Variants in SLC25A48 observed in about 807,000 individuals in gnomAD.
SLC25A48 encodes the protein CTC-321K16.1.
A neutral mutation model predicts 32.2 loss-of-function variants in SLC25A48; 29 were observed. The ratio of observed to expected loss-of-function variants is 0.90; its 90% CI spans 0.67 to 1.23. The LOEUF (loss-of-function observed/expected upper bound fraction) is 1.23, where lower values mean the gene tolerates loss of function less well. SLC25A48 is among the 50% of genes most tolerant of loss of function. The pLI, the probability that SLC25A48 is intolerant of heterozygous loss-of-function variation, is 0.00. For missense variants in SLC25A48, 399 were observed against 422.7 expected, an observed-to-expected ratio of 0.94 and a Z score of 0.49; for synonymous variants, 164 against 172.3, an observed-to-expected ratio of 0.95 and a Z score of 0.38.
rs144887172 is a variant in SLC25A48, at chr5:135,670,874, G to T, written c.-521+35918G>T. Among the ~76,000 whole-genome samples the T allele has an allele frequency of 1.3e-3, 192 of 152,326 alleles. 1 individual carries two copies. Among genetic ancestry groups the T allele is most frequent in the African/African-American group, 4.5e-3 (187 of 41,562 alleles). Reference sequence around the variant, plus strand: ...GGACATTGTCTCATACTAATGAATAGATTAATAGCCTCCCTCCCCAGATGC... The same window carrying T: ...GGACATTGTCTCATACTAATGAATATATTAATAGCCTCCCTCCCCAGATGC... On this transcript the variant is annotated intron_variant, in intron 3 of 10. Coordinates refer to the SLC25A48 transcript ENST00000646290.
intron 3 of SLC25A48, among the ~76,000 whole-genome samples, chr5:135,657,440 G>C (rs1753280327): frequency 6.6e-6 from 1 of 152,192 alleles, no homozygotes; most frequent in Non-Finnish European, 1.5e-5. Flanking sequence ...TATGGCACAT[G>C]GCAGTCATAA....
intron 3 of SLC25A48, among the ~76,000 whole-genome samples, chr5:135,646,636 C>T (rs976462969): frequency 1.6e-4 from 19 of 120,932 alleles, no homozygotes; most frequent in East Asian, 1.2e-3. Flanking sequence ...TATATATATA[C>T]GCATTTATAA....
intron 3 of SLC25A48, among the ~76,000 whole-genome samples, chr5:135,695,304 T>G (rs937551452): frequency 3.3e-4 from 3 of 9,044 alleles, no homozygotes; most frequent in African/African-American, 6.9e-4. Context: ...TTCTTGTGCT[T>G]TTTATGTTTT....
intron 3 of SLC25A48, among the ~76,000 whole-genome samples, chr5:135,737,559 A>C (rs554252403): frequency 1.2e-4 from 19 of 152,178 alleles, no homozygotes; most frequent in Admixed American, 2.6e-4. Context: ...AAGATGAATG[A>C]TGGTTTAGAT....
At chr5:135,821,473 A>G (rs1043017767) in intron 4 of SLC25A48, among the ~76,000 whole-genome samples, 5 of 152,148 alleles carry the variant, frequency 3.3e-5, no homozygotes, top group Admixed American at 6.5e-5. Context: ...ACTTGGGGGA[A>G]CAGATCCTTG....
chr5:135,768,599 A>G (rs1756310983), intron 3 of SLC25A48, among the ~76,000 whole-genome samples: 1 of 151,590 alleles, frequency 6.6e-6, no homozygotes, highest in South Asian at 2.1e-4. Context: ...GGAGCGGATG[A>G]TGATACTCCC....
In SLC25A48 at chr5:135,803,930, C is replaced by T. The variant is rs530461741; in HGVS notation, c.-520-8593C>T. Reference sequence around the variant, plus strand: ...TGAATAACCTCACAGTGAGTGCACACGCTGTGTGTACACCCACTGTGTTCT... The same window carrying T: ...TGAATAACCTCACAGTGAGTGCACATGCTGTGTGTACACCCACTGTGTTCT... On this transcript the variant is annotated intron_variant, in intron 3 of 10. Coordinates refer to the SLC25A48 transcript ENST00000646290. Among the ~76,000 whole-genome samples the T allele has an allele frequency of 4.6e-5, 7 of 151,670 alleles. No individual in the cohort carries two copies. In the East Asian group the frequency reaches 7.8e-4, roughly 17 times the overall value.
chr5:135,721,901 A>T (rs1432333634), intron 3 of SLC25A48, among the ~76,000 whole-genome samples: 1 of 152,200 alleles, frequency 6.6e-6, no homozygotes, highest in East Asian at 1.9e-4. Context: ...TTATTATAAG[A>T]TGTGCTTTGG....
intron 1 of SLC25A48, among the ~76,000 whole-genome samples, chr5:135,584,509 G>C (rs1412476219): frequency 6.6e-6 from 1 of 152,206 alleles, no homozygotes; most frequent in African/African-American, 2.4e-5. Context: ...AGCTGATAAT[G>C]GTAAAGTGAG....
intron 3 of SLC25A48, among the ~76,000 whole-genome samples, chr5:135,671,958 C>T (rs957279134): frequency 6.6e-6 from 1 of 150,708 alleles, no homozygotes; most frequent in African/African-American, 2.4e-5. Context: ...AGCCCCCAAT[C>T]CCTGGCTTGG....
intron 3 of SLC25A48, among the ~76,000 whole-genome samples, chr5:135,757,523 C>T (rs1430626719): frequency 6.7e-6 from 1 of 148,910 alleles, no homozygotes; most frequent in African/African-American, 2.4e-5. Flanking sequence ...TGTTAACACA[C>T]TATATTGATA....
intron 3 of SLC25A48, among the ~76,000 whole-genome samples, chr5:135,774,437 C>T (rs74814011): frequency 0.016 from 2,442 of 151,842 alleles, 47 homozygotes; most frequent in African/African-American, 0.044. Context: ...GGGTGTACAA[C>T]CCGCTTGTGA....
intron 2 of SLC25A48, among the ~76,000 whole-genome samples, chr5:135,845,189 A>G (rs1454226329): frequency 6.6e-6 from 1 of 152,252 alleles, no homozygotes; most frequent in Non-Finnish European, 1.5e-5. Context: ...TGCCTGCTGC[A>G]GTGCTCGGCA....
At chr5:135,852,986 C>T (rs1313576428) in intron 4 of SLC25A48, among the ~76,000 whole-genome samples, 165 bp downstream of exon 4, 4 of 152,106 alleles carry the variant, frequency 2.6e-5, no homozygotes, top group African/African-American at 7.2e-5. Context: ...GGGTTTGGTT[C>T]CAGACCACTG....
In SLC25A48 at chr5:135,871,385, C is replaced by A. The variant is rs1581040635; in HGVS notation, c.422-76C>A. 4.7e-6 allele frequency: 7 copies of A among 1,497,084 alleles called. No homozygotes were observed. The East Asian group carries it at 1.6e-4, about 34-fold the overall frequency. 92.7% of individuals were successfully genotyped at this position (1,497,084 alleles called of 1,614,324 possible). ...GAGAGGGAACTGTCAAAGGGCTGGG[C>A]TGGCTCCAGTGTCACGGAATGTCCA... On this transcript the variant is annotated intron_variant, in intron 4 of 7. Coordinates refer to ENST00000681962, the MANE Select transcript of SLC25A48 (RefSeq NM_001349336.2).
chr5:135,652,591 G>A (rs561456575), intron 3 of SLC25A48: 144 of 367,598 alleles, frequency 3.9e-4, no homozygotes, highest in African/African-American at 2.8e-3. Flanking sequence ...CTCAGTTGGA[G>A]CACCATTTGG....
At chr5:135,788,889 G>A (rs1194490621) in intron 3 of SLC25A48, among the ~76,000 whole-genome samples, 1 of 151,468 alleles carries the variant, frequency 6.6e-6, no homozygotes, top group Non-Finnish European at 1.5e-5. Context: ...CATGTGTCGG[G>A]GGGTGTACAC....
At chr5:135,730,160 C>CTTT (rs1211927416) in intron 3 of SLC25A48, among the ~76,000 whole-genome samples, 2 of 152,298 alleles carry the variant, frequency 1.3e-5, no homozygotes, top group African/African-American at 4.8e-5. Context: ...TTCTTTATGA[C>CTTT]TATTCTCTAA....
chr5:135,697,039 TA>T (rs1256219200), intron 3 of SLC25A48, among the ~76,000 whole-genome samples: 4 of 152,236 alleles, frequency 2.6e-5, no homozygotes, highest in Non-Finnish European at 5.9e-5. Context: ...AAGCTCTATT[TA>T]AATTTCTTGT....
Sources: gnomAD v4.1 joint callset for allele counts (sites outside exome capture counted in the v4.1 genomes callset) on GRCh38, gnomAD v4.1.1 for gene constraint, MANE v1.5 for transcripts, NCBI Gene and HGNC (gene_info 2026-07-23, HGNC 2026-07-21) for gene names.